The following PCNX2 variants were observed in gnomAD, a reference collection of about 807,000 sequenced individuals.
The protein encoded by PCNX2 is pecanex-like protein 2.
PCNX2 carries 168 observed loss-of-function variants against 223.8 expected under a neutral mutation model. That is an observed-to-expected ratio of 0.75 (90% CI 0.66 to 0.85). The LOEUF (loss-of-function observed/expected upper bound fraction) is 0.85. Ranked by LOEUF, PCNX2 falls within the 40% of genes least tolerant of loss-of-function variation. The probability of loss-of-function intolerance (pLI) is 0.00; values close to 1 mark genes in which losing one functional copy is unlikely to be tolerated. For missense variants in PCNX2, 2,507 were observed against 2,675.5 expected, an observed-to-expected ratio of 0.94 and a Z score of 1.39; for synonymous variants, 1,006 against 1,052.6, an observed-to-expected ratio of 0.96 and a Z score of 0.86.
chr1:233,293,995 A>G, intron 1 of PCNX2: 1 of 985,292 alleles, frequency 1.0e-6, no homozygotes, highest in Non-Finnish European at 1.2e-6. Context: ...ATAAACTTGC[A>G]TTTATTGCAG....
At chr1:233,107,387 CG>C (rs1674859020) in intron 21 of PCNX2, among the ~76,000 whole-genome samples, 3 of 147,950 alleles carry the variant, frequency 2.0e-5, no homozygotes, top group African/African-American at 7.5e-5. Context: ...GATCCTGACT[CG>C]AAAAAACAAA....
intron 7 of PCNX2, 132 bp downstream of exon 7, chr1:233,252,222 G>T: frequency 9.2e-7 from 1 of 1,085,154 alleles, no homozygotes; most frequent in Non-Finnish European, 1.3e-6. Context: ...TCAAAGAACA[G>T]TATGTGGGCA....
the PCNX2 span, among the ~76,000 whole-genome samples, chr1:233,319,180 C>G: frequency 6.7e-6 from 1 of 150,370 alleles, no homozygotes; most frequent in South Asian, 2.2e-4. Context: ...TGGATTAATG[C>G]CCACCATCTC....
At chr1:233,036,161 G>A (rs1389106943) in intron 25 of PCNX2, among the ~76,000 whole-genome samples, 2 of 152,038 alleles carry the variant, frequency 1.3e-5, no homozygotes, top group Admixed American at 1.3e-4. Context: ...ACGTCATGGC[G>A]GGGAACTTTC....
chr1:233,097,636 C>T (rs969558309), intron 21 of PCNX2, among the ~76,000 whole-genome samples: 2 of 152,112 alleles, frequency 1.3e-5, no homozygotes, highest in Admixed American at 6.6e-5. Context: ...GAGAGTATGT[C>T]AGTTGAAAGA....
intron 17 of PCNX2, chr1:233,172,281 C>T (rs1679200338): frequency 4.4e-6 from 4 of 914,386 alleles, no homozygotes; most frequent in Admixed American, 6.2e-5. Context: ...GTTTGGGAAA[C>T]ACTTGGACAA....
At chr1:233,212,276 T>A (rs892853660) in intron 12 of PCNX2, among the ~76,000 whole-genome samples, 2 of 152,134 alleles carry the variant, frequency 1.3e-5, no homozygotes, top group Non-Finnish European at 2.9e-5. Context: ...TACAAGAGAA[T>A]CCAAAATATT....
At chr1:233,081,119 C>T (rs757214772) in intron 23 of PCNX2, among the ~76,000 whole-genome samples, 5 of 152,060 alleles carry the variant, frequency 3.3e-5, no homozygotes, top group East Asian at 1.9e-4. Context: ...GAGGCCGAGG[C>T]GGGTGGATCA....
chr1:233,087,667 C>T (rs549421878), intron 23 of PCNX2, among the ~76,000 whole-genome samples: 1 of 152,310 alleles, frequency 6.6e-6, no homozygotes, highest in East Asian at 1.9e-4. Context: ...TGATTTCCCT[C>T]GACTGATCTT....
chr1:233,200,328 C>T, intron 13 of PCNX2, 64 bp from the exon 14 acceptor site: 2 of 1,162,714 alleles, frequency 1.7e-6, no homozygotes, highest in East Asian at 2.7e-5. Context: ...GCTCCTGCTG[C>T]AGTGCTGTCT....
intron 17 of PCNX2, 45 bp from the exon 18 acceptor site, chr1:233,161,408 C>T: frequency 6.6e-7 from 1 of 1,518,142 alleles, no homozygotes. Flanking sequence ...TCATTTCTCT[C>T]AGCAACTCTG....
the PCNX2 span, among the ~76,000 whole-genome samples, chr1:233,326,544 C>T: frequency 1.3e-5 from 2 of 151,992 alleles, no homozygotes; most frequent in African/African-American, 4.8e-5. Context: ...AAAACTGAGT[C>T]ATAGAGAAAT....
intron 4 of PCNX2, chr1:233,259,927 A>G: frequency 5.2e-6 from 3 of 575,424 alleles, no homozygotes; most frequent in Non-Finnish European, 6.6e-6. Flanking sequence ...TATAGCATTT[A>G]CATTGTATTA....
At chr1:233,100,276 G>T (rs990323335) in intron 21 of PCNX2, among the ~76,000 whole-genome samples, 1 of 152,000 alleles carries the variant, frequency 6.6e-6, no homozygotes, top group African/African-American at 2.4e-5. Context: ...AGCCGAGCGT[G>T]GTGGCTCGCA....
At chr1:233,097,969 T>C (rs1259760374) in intron 21 of PCNX2, among the ~76,000 whole-genome samples, 2 of 152,204 alleles carry the variant, frequency 1.3e-5, no homozygotes, top group African/African-American at 4.8e-5. Flanking sequence ...CCTGCACATG[T>C]GTACCTAATC....
rs1462146561 is a variant in PCNX2 at position 233,266,978 on chromosome 1, C to T, written c.154-3815G>A. On this transcript the variant is annotated intron_variant, in intron 1 of 33. Transcript: ENST00000258229. ...TGTCTGTTTCTTCAGGCTCATAGCT[C>T]TAGCTGCCTCACAGTCACTACTCTG... Among the ~76,000 whole-genome samples, 3 of 151,866 alleles carry T rather than the reference C, an allele frequency of 2.0e-5. No homozygotes were observed. The East Asian group carries it at 5.8e-4, about 29-fold the overall frequency.
chr1:233,324,582 A>G, the PCNX2 span, among the ~76,000 whole-genome samples: 1 of 150,594 alleles, frequency 6.6e-6, no homozygotes, highest in African/African-American at 2.4e-5. Context: ...ATCTGTTTAC[A>G]GGATGGTTTA....
chr1:233,093,735 T>A (rs527291229), intron 22 of PCNX2, among the ~76,000 whole-genome samples: 7 of 152,178 alleles, frequency 4.6e-5, no homozygotes, highest in Admixed American at 4.6e-4. Flanking sequence ...AGGCTCTGTA[T>A]CTTAGCAGAA....
At chr1:233,262,016 A>C in intron 3 of PCNX2, 29 bp downstream of exon 3, 2 of 1,612,720 alleles carry the variant, frequency 1.2e-6, no homozygotes, top group Non-Finnish European at 1.7e-6. Context: ...TCACATGAAG[A>C]GGGTGAAACA....
Sources: allele counts gnomAD v4.1 joint callset (sites outside exome capture counted in the v4.1 genomes callset), GRCh38; gene constraint gnomAD v4.1.1; transcripts MANE v1.5; gene names NCBI Gene and HGNC (gene_info 2026-07-23, HGNC 2026-07-21).